The following STAB2 variants were observed in gnomAD, a reference collection of about 807,000 sequenced individuals.
STAB2 encodes stabilin-2.
A neutral mutation model predicts 338.1 loss-of-function variants in STAB2; 288 were observed. The ratio of observed to expected loss-of-function variants is 0.85; its 90% CI spans 0.77 to 0.94. STAB2 has a LOEUF of 0.94. STAB2 is among the 40% of genes least tolerant of loss of function. The pLI is 0.00. For synonymous variants in STAB2, 1,202 were observed against 1,193.3 expected, an observed-to-expected ratio of 1.01 and a Z score of -0.15; for missense variants, 3,141 against 3,210.1, an observed-to-expected ratio of 0.98 and a Z score of 0.52.
At chr12:103,589,053 C>A (rs1243283017) in intron 1 of STAB2, among the ~76,000 whole-genome samples, 1 of 152,214 alleles carries the variant, frequency 6.6e-6, no homozygotes, top group African/African-American at 2.4e-5. Context: ...CACCCCTCAC[C>A]TCAGTTTTCT....
chr12:103,632,483 G>A (rs888520360), intron 6 of STAB2, among the ~76,000 whole-genome samples: 1 of 152,192 alleles, frequency 6.6e-6, no homozygotes, highest in African/African-American at 2.4e-5. Context: ...CAGGCATGGG[G>A]CAACCCTCCA....
At chr12:103,667,212 T>C (rs1388942961) in intron 19 of STAB2, among the ~76,000 whole-genome samples, 1 of 152,132 alleles carries the variant, frequency 6.6e-6, no homozygotes, top group African/African-American at 2.4e-5. Context: ...TAGATGCAGG[T>C]GTTCAGATAT....
In STAB2 at chr12:103,637,226, A is replaced by G. The variant is rs1957562404; in HGVS notation, c.699A>G (p.Lys233=). 6.2e-7 allele frequency: 1 copy of G among 1,611,386 alleles called. No homozygotes were observed. The highest frequency in any genetic ancestry group is 1.7e-5 in the Admixed American group (1 of 59,160). Reference sequence around the variant, plus strand: ...TTCCCAATTACCGAGGCGATGGCAAATACTGCGACCGTGAGTAGAATTTAG... The same window carrying G: ...TTCCCAATTACCGAGGCGATGGCAAGTACTGCGACCGTGAGTAGAATTTAG... ...KCLPNYRGDG[K]YCDPINPCLR... The change falls in exon 7 of 69, where the codon AAA becomes AAG. Residue 233 remains lysine (K), a synonymous_variant. Coordinates refer to ENST00000388887, the MANE Select transcript of STAB2 (RefSeq NM_017564.10).
intron 5 of STAB2, among the ~76,000 whole-genome samples, chr12:103,631,329 C>G (rs896633183): frequency 2.0e-5 from 3 of 151,782 alleles, no homozygotes; most frequent in Non-Finnish European, 4.4e-5. Context: ...AGTTTGAGAG[C>G]AGGGAAAAGA....
rs1315855712 is a variant in STAB2, at chr12:103,762,293, T to G, written c.7379T>G (p.Leu2460Trp). 6.2e-7 allele frequency: 1 copy of G among 1,614,214 alleles called. No individual in the cohort carries two copies. Among genetic ancestry groups the G allele is most frequent in the East Asian group, 2.2e-5 (1 of 44,888 alleles). The change falls in exon 67 of 69, where the codon TTG becomes TGG. Residue 2460 changes from leucine (L) to tryptophan (W), a missense_variant. Leu to Trp is a moderately conservative substitution (Grantham distance 61). Coordinates refer to ENST00000388887, the MANE Select transcript of STAB2 (RefSeq NM_017564.10). ...PAPVTLTHTG[L>W]GAGIFFAIIL... ...GTTCAGACCTTGACCCACACTGGCTTGGGAGCAGGGATCTTCTTTGCCATC... is the reference window on the plus strand; with the variant it reads ...GTTCAGACCTTGACCCACACTGGCTGGGGAGCAGGGATCTTCTTTGCCATC...
chr12:103,734,286 C>A (rs1235395306), intron 51 of STAB2, among the ~76,000 whole-genome samples: 1 of 150,058 alleles, frequency 6.7e-6, no homozygotes, highest in Non-Finnish European at 1.5e-5. Context: ...CATATAGGAG[C>A]AAGCACGATC....
rs542027018 is a variant in STAB2 at position 103,727,271 on chromosome 12, A to G, written c.4856A>G (p.His1619Arg). Residue 1619 changes from histidine to arginine, a missense_variant, in exon 47 of 69, where the codon CAT becomes CGT. Coordinates refer to ENST00000388887, the MANE Select transcript of STAB2 (RefSeq NM_017564.10). ...GCCTCACCTTTCTTCCCACAGGAGC[A>G]TTTCGTGAAAGATCTGGTCGGCCCA... ...TSQYFFQLQE[H>R]FVKDLVGPGP... 1 of 1,614,232 alleles carries G rather than the reference A, an allele frequency of 6.2e-7. No individual in the cohort carries two copies. Among genetic ancestry groups the G allele is most frequent in the South Asian group, 1.1e-5 (1 of 91,088 alleles).
At chr12:103,598,305 G>A (rs549855670) in intron 3 of STAB2, among the ~76,000 whole-genome samples, 8 of 152,298 alleles carry the variant, frequency 5.3e-5, no homozygotes, top group African/African-American at 1.9e-4. Flanking sequence ...GAAGTCCCTG[G>A]TCTCTTGTGG....
Position 103,677,632 on chromosome 12 carries a change from G to A in STAB2, c.2805+21G>A, listed in dbSNP as rs1311680294. 2.5e-6 allele frequency: 4 copies of A among 1,597,096 alleles called. No individual in the cohort carries two copies. The African/African-American group carries it at 4.0e-5, about 16-fold the overall frequency. ...GGCAGGTAGGTTGGATGTCATGAGA[G>A]CAAAGAGAAAGCAGGAATCCTGCAG... On this transcript the variant is annotated intron_variant, in intron 25 of 68. Transcript: ENST00000388887.
At chr12:103,640,290 A>G (rs1872826540) in intron 9 of STAB2, 34 bp downstream of exon 9, 2 of 1,593,234 alleles carry the variant, frequency 1.3e-6, no homozygotes, top group African/African-American at 2.7e-5. Flanking sequence ...CAACATTTCC[A>G]AGTGGTGAAA....
chr12:103,728,053 G>A (rs904766852), intron 47 of STAB2, among the ~76,000 whole-genome samples: 2 of 152,132 alleles, frequency 1.3e-5, no homozygotes, highest in African/African-American at 4.8e-5. Context: ...GTTTTTGAAA[G>A]AACTTGACAC....
At chr12:103,632,169 G>A (rs1593163042) in intron 6 of STAB2, among the ~76,000 whole-genome samples, 1 of 152,230 alleles carries the variant, frequency 6.6e-6, no homozygotes, top group South Asian at 2.1e-4. Flanking sequence ...TGGGACTCAA[G>A]TCATTTGAAT....
intron 30 of STAB2, among the ~76,000 whole-genome samples, chr12:103,690,941 A>G (rs1382054878): frequency 6.6e-6 from 1 of 152,256 alleles, no homozygotes; most frequent in Non-Finnish European, 1.5e-5. Flanking sequence ...TATATACTCA[A>G]TCTTTATAGA....
chr12:103,597,655 C>CA (rs1249235082), intron 3 of STAB2, among the ~76,000 whole-genome samples: 1 of 152,188 alleles, frequency 6.6e-6, no homozygotes, highest in African/African-American at 2.4e-5. Flanking sequence ...ACTACTTTAT[C>CA]AAATGTGCAC....
At chr12:103,624,940 CAAAAAA>C (rs55862855) in intron 5 of STAB2, among the ~76,000 whole-genome samples, 10 of 111,138 alleles carry the variant, frequency 9.0e-5, no homozygotes, top group Non-Finnish European at 3.7e-5. Flanking sequence ...GACTCCATCT[CAAAAAA>C]AAAAAAAAAA....
At chr12:103,735,000 A>G (rs535200328) in intron 51 of STAB2, among the ~76,000 whole-genome samples, 1 of 152,270 alleles carries the variant, frequency 6.6e-6, no homozygotes, top group East Asian at 1.9e-4. Flanking sequence ...ACACCATTCA[A>G]ACTAGATTAA....
intron 3 of STAB2, among the ~76,000 whole-genome samples, chr12:103,613,146 G>A (rs1957153156): frequency 6.6e-6 from 1 of 152,350 alleles, no homozygotes; most frequent in Admixed American, 6.5e-5. Context: ...GGACCCACTT[G>A]AGGAGGCAGT....
intron 3 of STAB2, among the ~76,000 whole-genome samples, chr12:103,619,749 G>GCC (rs1019358375): frequency 9.3e-5 from 13 of 139,816 alleles, no homozygotes; most frequent in South Asian, 2.3e-4. Context: ...CATCAGCAAC[G>GCC]CCCCCCGCCC....
At chr12:103,710,253 A>T (rs1029245389) in intron 39 of STAB2, among the ~76,000 whole-genome samples, 5 of 152,168 alleles carry the variant, frequency 3.3e-5, no homozygotes, top group Non-Finnish European at 5.9e-5. Flanking sequence ...AAGACTCTTC[A>T]CCAATGAACA....
Sources: gnomAD v4.1 joint callset for allele counts (sites outside exome capture counted in the v4.1 genomes callset) on GRCh38, gnomAD v4.1.1 for gene constraint, MANE v1.5 for transcripts, NCBI Gene and HGNC (gene_info 2026-07-23, HGNC 2026-07-21) for gene names.